WDR44: variants seen among roughly 807,000 people sequenced by gnomAD.
WDR44 encodes the protein WD repeat-containing protein 44.
Under a neutral mutation model 65.7 loss-of-function variants are expected in WDR44, and 9 were observed. That is an observed-to-expected ratio of 0.14 (90% CI 0.08 to 0.24). WDR44 has a LOEUF of 0.24. WDR44 is among the 10% of genes least tolerant of loss of function. WDR44 has a pLI of 1.00. For missense variants in WDR44, 425 were observed against 670.9 expected, an observed-to-expected ratio of 0.63 and a Z score of 4.05; for synonymous variants, 220 against 235.2, an observed-to-expected ratio of 0.94 and a Z score of 0.59.
intron 19 of WDR44, 97 bp from the exon 20 acceptor site, chrX:118,448,796 C>G (rs756376138): frequency 4.2e-6 from 2 of 481,835 alleles, no homozygotes; most frequent in African/African-American, 4.9e-5. Context: ...ATGATCTTCT[C>G]CCCTGAAGCT....
intron 3 of WDR44, among the ~76,000 whole-genome samples, chrX:118,388,608 C>T (rs1001386324): frequency 9.0e-6 from 1 of 111,594 alleles, no homozygotes. Context: ...ATTGATCATA[C>T]TTTTTCCTTT....
intron 12 of WDR44, among the ~76,000 whole-genome samples, chrX:118,415,168 G>A (rs1216711990): frequency 8.9e-6 from 1 of 111,815 alleles, no homozygotes; most frequent in African/African-American, 3.3e-5. Flanking sequence ...CTGTTTATGT[G>A]GTGTATCACA....
At chrX:118,377,505 T>C (rs2056671691) in intron 1 of WDR44, among the ~76,000 whole-genome samples, 1 of 111,664 alleles carries the variant, frequency 9.0e-6, no homozygotes, top group Non-Finnish European at 1.9e-5. Context: ...CTTTTGCCTG[T>C]CAACTTGGTA....
Position 118,443,607 on chromosome X carries a change from A to T in WDR44, c.2432A>T (p.Tyr811Phe). Reference sequence around the variant, plus strand: ...AGTGGTTCAGAAGATAAGTATGTTTATATCTGGAGTACCTACCATGACCTA... The same window carrying T: ...AGTGGTTCAGAAGATAAGTATGTTTTTATCTGGAGTACCTACCATGACCTA... ...LVSGSEDKYV[Y>F]IWSTYHDLSK... Residue 811 changes from tyrosine to phenylalanine, a missense_variant, in exon 18 of 20, where the codon TAT becomes TTT. Coordinates refer to ENST00000254029, the MANE Select transcript of WDR44 (RefSeq NM_019045.5). The T allele has an allele frequency of 5.0e-6, 6 of 1,210,428 alleles. No individual in the cohort carries two copies. Among genetic ancestry groups the T allele is most frequent in the South Asian group, 3.5e-5 (2 of 56,914 alleles).
chrX:118,398,703 G>C (rs143761808), intron 8 of WDR44, among the ~76,000 whole-genome samples: 29 of 112,124 alleles, frequency 2.6e-4, no homozygotes, highest in African/African-American at 7.8e-4. Flanking sequence ...AAGGCAGGCA[G>C]ATCTCCTGAG....
chrX:118,432,376 A>G (rs2057219090), intron 12 of WDR44, among the ~76,000 whole-genome samples: 1 of 111,311 alleles, frequency 9.0e-6, no homozygotes, highest in Non-Finnish European at 1.9e-5. Context: ...TCCCCACCCC[A>G]TAAACTTTGC....
At chrX:118,434,482 T>A (rs2147745681) in intron 13 of WDR44, among the ~76,000 whole-genome samples, 1 of 112,351 alleles carries the variant, frequency 8.9e-6, no homozygotes, top group Non-Finnish European at 1.9e-5. Flanking sequence ...TATATGACTT[T>A]TATTTTTATT....
chrX:118,408,691 G>A (rs992422307), intron 10 of WDR44, among the ~76,000 whole-genome samples: 2 of 86,560 alleles, frequency 2.3e-5, no homozygotes, highest in East Asian at 9.1e-4. Flanking sequence ...GTGCCACCAC[G>A]CCCGGCCCAT....
Position 118,409,471 on chromosome X carries a change from C to G in WDR44, c.1534-18C>G, listed in dbSNP as rs2147720246. On this transcript the variant is annotated intron_variant, in intron 10 of 19. Coordinates refer to ENST00000254029, the MANE Select transcript of WDR44 (RefSeq NM_019045.5). ...AAGGTGTAAAGTATTAACTTTGAAA[C>G]TTCTTTTGTTTTCATAGGGAGCTGT... The G allele has an allele frequency of 8.3e-7, 1 of 1,203,380 alleles. No individual in the cohort carries two copies. The highest frequency in any genetic ancestry group is 1.8e-5 in the South Asian group (1 of 55,562).
At chrX:118,358,792 G>A (rs908029558) in intron 1 of WDR44, among the ~76,000 whole-genome samples, 18 of 111,528 alleles carry the variant, frequency 1.6e-4, no homozygotes, top group African/African-American at 5.9e-4. Flanking sequence ...TATTAATATG[G>A]CCAGGCATGG....
intron 12 of WDR44, among the ~76,000 whole-genome samples, chrX:118,432,455 A>C (rs775923534): frequency 4.0e-4 from 45 of 111,691 alleles, no homozygotes; most frequent in African/African-American, 1.3e-3. Context: ...AAATCAGCTA[A>C]TCTTCATTAG....
At chrX:118,352,352 A>ATATTTTTTTTTTTTTTTTTTTTT (rs1357425730) in intron 1 of WDR44, among the ~76,000 whole-genome samples, 1 of 14,224 alleles carries the variant, frequency 7.0e-5, no homozygotes, top group African/African-American at 3.7e-4. Flanking sequence ...ATATATATAT[A>ATATTTTTTTTTTTTTTTTTTTTT]TTTTTTTTTT....
At chrX:118,373,462 A>G (rs1218735582) in intron 1 of WDR44, among the ~76,000 whole-genome samples, 5 of 111,775 alleles carry the variant, frequency 4.5e-5, no homozygotes, top group Non-Finnish European at 1.9e-5. Context: ...GAAATTTTAC[A>G]TGTGGAACGT....
At chrX:118,361,597 T>TA (rs894973022) in intron 1 of WDR44, among the ~76,000 whole-genome samples, 4 of 109,335 alleles carry the variant, frequency 3.7e-5, no homozygotes, top group South Asian at 7.8e-4. Flanking sequence ...ATTAAAAAAT[T>TA]AAAAAAAAAT....
At chrX:118,395,479 A>G in intron 6 of WDR44, 135 bp downstream of exon 6, 1 of 424,656 alleles carries the variant, frequency 2.4e-6, no homozygotes, top group Non-Finnish European at 3.9e-6. Flanking sequence ...ACCCAGAACT[A>G]TACACTTAAA....
At chrX:118,396,569 C>T (rs1342762723) in intron 6 of WDR44, among the ~76,000 whole-genome samples, 2 of 111,905 alleles carry the variant, frequency 1.8e-5, no homozygotes, top group Non-Finnish European at 3.8e-5. Flanking sequence ...CATAAAACGC[C>T]ATATATTACA....
chrX:118,415,116 TC>T (rs780121628), intron 12 of WDR44, among the ~76,000 whole-genome samples: 2 of 112,291 alleles, frequency 1.8e-5, no homozygotes, highest in East Asian at 5.6e-4. Context: ...AAATGCTTTT[TC>T]TGCATCTATT....
In WDR44 at chrX:118,414,332, CTA is replaced by C. The variant is rs768396551; in HGVS notation, c.1737+3376_1737+3377del. On this transcript the variant is annotated intron_variant, in intron 12 of 19. Coordinates refer to ENST00000254029, the MANE Select transcript of WDR44 (RefSeq NM_019045.5). ...CATTACTGGATATATACCCAAAGGA[CTA>C]TAAATCATGCTGCTATAAAGACACA... 4.3e-5 allele frequency among the ~76,000 whole-genome samples: 4 copies of C among 92,295 alleles called. No homozygotes were observed. The East Asian group carries it at 1.5e-3, about 34-fold the overall frequency. The allele number at this position is 92,295 out of a possible 115,157, so 80.1% of individuals were successfully genotyped here.
At chrX:118,387,879 A>C (rs2056785306) in intron 3 of WDR44, among the ~76,000 whole-genome samples, 1 of 111,981 alleles carries the variant, frequency 8.9e-6, no homozygotes, top group Non-Finnish European at 1.9e-5. Flanking sequence ...GTATTTTGAA[A>C]ATGGGCAGTT....
Sources: allele counts gnomAD v4.1 joint callset (sites outside exome capture counted in the v4.1 genomes callset), GRCh38; gene constraint gnomAD v4.1.1; transcripts MANE v1.5; gene names NCBI Gene and HGNC (gene_info 2026-07-23, HGNC 2026-07-21).